UBAC2: variants seen among roughly 807,000 people sequenced by gnomAD.
UBAC2 encodes UBA domain containing 2, also known as ubiquitin-associated domain-containing protein 2.
In UBAC2, 26 loss-of-function variants were observed where a neutral mutation model predicts 44.0. That is an observed-to-expected ratio of 0.59 (90% CI 0.43 to 0.82). The LOEUF (loss-of-function observed/expected upper bound fraction) is 0.82, where lower values mean the gene tolerates loss of function less well. Ranked by LOEUF, UBAC2 falls within the 40% of genes least tolerant of loss-of-function variation. UBAC2 has a pLI of 0.00. For missense variants in UBAC2, 329 were observed against 419.4 expected (o/e 0.78, Z 1.88); for synonymous variants, 155 against 154.3 (o/e 1.00, Z -0.04).
At chr13:99,296,942 G>C (rs1394064379) in intron 4 of UBAC2, among the ~76,000 whole-genome samples, 3 of 152,150 alleles carry the variant, frequency 2.0e-5, no homozygotes, top group Non-Finnish European at 4.4e-5. Context: ...GCACATAGTA[G>C]CAAGCATCAC....
At chr13:99,276,508 G>A (rs1161060573) in intron 4 of UBAC2, among the ~76,000 whole-genome samples, 2 of 152,258 alleles carry the variant, frequency 1.3e-5, no homozygotes, top group Non-Finnish European at 2.9e-5. Flanking sequence ...GTGCGAGGGT[G>A]GGTGAGAGTG....
intron 4 of UBAC2, among the ~76,000 whole-genome samples, chr13:99,265,637 A>C (rs544262984): frequency 1.4e-4 from 21 of 152,308 alleles, no homozygotes; most frequent in Non-Finnish European, 2.8e-4. Context: ...AGGACCTGGC[A>C]CGTGCGTCTT....
chr13:99,377,366 T>A (rs1434646835), intron 8 of UBAC2: 3 of 152,272 alleles, frequency 2.0e-5, no homozygotes, highest in Admixed American at 2.0e-4. Context: ...GATTTTACAT[T>A]GAAACTTTCT....
chr13:99,276,441 C>T (rs1032407341), intron 4 of UBAC2, among the ~76,000 whole-genome samples: 1 of 152,170 alleles, frequency 6.6e-6, no homozygotes, highest in Admixed American at 6.5e-5. Context: ...ATTTTACTTA[C>T]GTTTATTGGT....
At chr13:99,367,457 T>G (rs2045346492) in intron 7 of UBAC2, among the ~76,000 whole-genome samples, 1 of 152,140 alleles carries the variant, frequency 6.6e-6, no homozygotes, top group Non-Finnish European at 1.5e-5. Flanking sequence ...TTAACTGGAG[T>G]TGGGACAGTC....
chr13:99,255,895 G>T (rs770586841), intron 4 of UBAC2: 1 of 1,512,332 alleles, frequency 6.6e-7, no homozygotes, highest in Non-Finnish European at 8.8e-7. Context: ...TGGTAGGCAT[G>T]ATACTTAGAA....
intron 7 of UBAC2, among the ~76,000 whole-genome samples, chr13:99,345,146 T>C (rs1197321816): frequency 1.3e-5 from 2 of 151,816 alleles, no homozygotes; most frequent in Non-Finnish European, 2.9e-5. Flanking sequence ...AATGAGACCT[T>C]AAAAAGGAGA....
At chr13:99,377,921 C>CT (rs1451632048) in intron 8 of UBAC2, among the ~76,000 whole-genome samples, 1 of 152,244 alleles carries the variant, frequency 6.6e-6, no homozygotes, top group Non-Finnish European at 1.5e-5. Flanking sequence ...AAGCTCGGGT[C>CT]TCCCTGCCAC....
chr13:99,235,508 A>G (rs1275844700), intron 1 of UBAC2, among the ~76,000 whole-genome samples: 3 of 152,244 alleles, frequency 2.0e-5, no homozygotes, highest in African/African-American at 4.8e-5. Flanking sequence ...GTGAAGTATC[A>G]TACTGCCTGA....
At position 99,310,569 on chromosome 13, in the gene UBAC2, T is replaced by C. The variant is rs76323503; in HGVS notation, c.390-3528T>C. Among the ~76,000 whole-genome samples the C allele has an allele frequency of 8.7e-4, 132 of 152,374 alleles. 1 individual carries two copies. In the East Asian group the frequency reaches 9.6e-3, roughly 11 times the overall value. ...TGGTATTTTGTGAAGTCTGTGTGTG[T>C]AGAAATAGCAACGGAAAATTTCTGC... On this transcript the variant is annotated intron_variant, in intron 4 of 8. Transcript: ENST00000403766.
intron 7 of UBAC2, among the ~76,000 whole-genome samples, chr13:99,367,393 C>T (rs1468716776): frequency 3.9e-5 from 6 of 152,210 alleles, no homozygotes; most frequent in East Asian, 1.9e-4. Context: ...GATTTAGCCT[C>T]GTCTCCATGC....
Position 99,295,031 on chromosome 13 carries a change from C to T in UBAC2, c.390-19066C>T, listed in dbSNP as rs376942836. 16 of 1,592,720 alleles carry T rather than the reference C, an allele frequency of 1.0e-5. No individual in the cohort carries two copies. The highest frequency in any genetic ancestry group is 9.4e-5 in the African/African-American group (7 of 74,120). On this transcript the variant is annotated intron_variant, in intron 4 of 8. Transcript: ENST00000403766. The surrounding 1 kb of genome is among the most constrained non-coding windows in gnomAD (Gnocchi z 4.1). ...CCTGCAAAGTTTGTCATACAGTTTA[C>T]GTCACTATAAACCAAAATACAATCC...
chr13:99,228,198 TG>T (rs1274603277), intron 1 of UBAC2, among the ~76,000 whole-genome samples: 1 of 152,178 alleles, frequency 6.6e-6, no homozygotes, highest in Non-Finnish European at 1.5e-5. Flanking sequence ...TCTGCAGTCC[TG>T]TCAGAGTCAC....
chr13:99,213,082 T>C (rs532953393), intron 1 of UBAC2, among the ~76,000 whole-genome samples: 5 of 152,340 alleles, frequency 3.3e-5, no homozygotes, highest in African/African-American at 1.2e-4. Context: ...TCTTTTTTTT[T>C]CTGACGCATG....
At chr13:99,269,282 T>C (rs2043787345) in intron 4 of UBAC2, among the ~76,000 whole-genome samples, 1 of 152,188 alleles carries the variant, frequency 6.6e-6, no homozygotes, top group Non-Finnish European at 1.5e-5. Context: ...CTCTTCTTTA[T>C]TGTGAGATTC....
intron 7 of UBAC2, among the ~76,000 whole-genome samples, chr13:99,353,862 A>C (rs2138862861): frequency 6.6e-6 from 1 of 152,288 alleles, no homozygotes; most frequent in South Asian, 2.1e-4. Flanking sequence ...GCAACCCCCA[A>C]GGTTTCAGAG....
At chr13:99,251,922 C>T (rs564738803) in intron 4 of UBAC2, among the ~76,000 whole-genome samples, 115 of 152,276 alleles carry the variant, frequency 7.6e-4, no homozygotes, top group African/African-American at 2.6e-3. Context: ...GCGTATACCC[C>T]TTCCATGTAT....
At chr13:99,384,348 T>C (rs916778408) in intron 8 of UBAC2, among the ~76,000 whole-genome samples, 1 of 152,224 alleles carries the variant, frequency 6.6e-6, no homozygotes, top group Non-Finnish European at 1.5e-5. Flanking sequence ...AATGTATTCC[T>C]GTGGCAATCT....
At chr13:99,342,593 A>G (rs1395454526) in intron 7 of UBAC2, among the ~76,000 whole-genome samples, 1 of 152,120 alleles carries the variant, frequency 6.6e-6, no homozygotes, top group Non-Finnish European at 1.5e-5. Context: ...CACCATGGCC[A>G]TCCATTCGTG....
Sources: gnomAD v4.1 joint callset for allele counts (sites outside exome capture counted in the v4.1 genomes callset) on GRCh38, gnomAD v4.1.1 for gene constraint, Gnocchi (gnomAD v3.1) non-coding constraint, MANE v1.5 for transcripts, NCBI Gene and HGNC (gene_info 2026-07-23, HGNC 2026-07-21) for gene names.